Variants in TENM1 observed in about 807,000 individuals in gnomAD.
TENM1 encodes teneurin-1.
TENM1 carries 35 observed loss-of-function variants against 174.8 expected under a neutral mutation model. The observed-to-expected ratio is 0.20, with a 90% CI of 0.15 to 0.27. The LOEUF is 0.27. TENM1 is among the 10% of genes least tolerant of loss of function. The pLI, the probability that TENM1 is intolerant of heterozygous loss-of-function variation, is 1.00. For missense variants in TENM1, 1,633 were observed against 2,130.1 expected (o/e 0.77, Z 4.59); for synonymous variants, 781 against 798.7 (o/e 0.98, Z 0.37).
chrX:124,420,774 A>G (rs755045259), exon 25 of TENM1: 12 of 1,208,887 alleles, frequency 9.9e-6, no homozygotes, highest in Non-Finnish European at 1.2e-5. Flanking sequence ...GACACTGCTA[A>G]GGAGGAAGGG....
intron 3 of TENM1, among the ~76,000 whole-genome samples, chrX:124,846,935 G>A (rs2056620323): frequency 9.0e-6 from 1 of 111,518 alleles, no homozygotes; most frequent in African/African-American, 3.2e-5. Flanking sequence ...TAAAAGGAAC[G>A]ATATAACATT....
chrX:124,713,527 CAAAGTGCTGGGATTACA>C (rs1031419007), intron 4 of TENM1, among the ~76,000 whole-genome samples: 1 of 112,174 alleles, frequency 8.9e-6, no homozygotes, highest in African/African-American at 3.2e-5. Context: ...TTCGGCCTCC[CAAAGTGCTGGGATTACA>C]GGCGTGAGCC....
At chrX:124,914,819 G>A (rs755016943) in intron 1 of TENM1, among the ~76,000 whole-genome samples, 1 of 111,769 alleles carries the variant, frequency 8.9e-6, no homozygotes, top group Non-Finnish European at 1.9e-5. Flanking sequence ...AATGCTACCA[G>A]ACAGAATGCT....
chrX:125,035,507 G>C, the TENM1 span, among the ~76,000 whole-genome samples: 1 of 111,187 alleles, frequency 9.0e-6, no homozygotes, highest in Non-Finnish European at 1.9e-5. Flanking sequence ...TGAGTGAGTT[G>C]GCCAACTGCC....
chrX:124,909,266 A>G (rs1043614061), intron 1 of TENM1, among the ~76,000 whole-genome samples: 11 of 112,358 alleles, frequency 9.8e-5, no homozygotes, highest in Non-Finnish European at 1.9e-4. Flanking sequence ...GAACCATTTT[A>G]ACACCATCCT....
chrX:124,383,170 C>T (rs1486900759), intron 30 of TENM1, among the ~76,000 whole-genome samples: 1 of 110,093 alleles, frequency 9.1e-6, no homozygotes, highest in Non-Finnish European at 1.9e-5. Context: ...TGGTCTCAAA[C>T]TCCTGGCCTC....
chrX:125,174,159 A>G, the TENM1 span, among the ~76,000 whole-genome samples: 8 of 111,583 alleles, frequency 7.2e-5, no homozygotes, highest in Non-Finnish European at 1.1e-4. Context: ...TCACCGTTAG[A>G]AACACAATGA....
At chrX:125,168,993 G>T in the TENM1 span, among the ~76,000 whole-genome samples, 252 of 109,635 alleles carry the variant, frequency 2.3e-3, no homozygotes, top group African/African-American at 7.1e-3. Context: ...TGTGTGTGTG[G>T]GTGTGTGTGT....
chrX:125,096,779 T>A, the TENM1 span, among the ~76,000 whole-genome samples: 1 of 110,545 alleles, frequency 9.0e-6, no homozygotes, highest in African/African-American at 3.3e-5. Flanking sequence ...CTGTAATACT[T>A]GGTTATCCAG....
At chrX:124,679,150 T>A (rs1003832827) in intron 5 of TENM1, among the ~76,000 whole-genome samples, 3 of 112,492 alleles carry the variant, frequency 2.7e-5, no homozygotes, top group African/African-American at 6.4e-5. Context: ...GAAACCTATC[T>A]TACAAATAAA....
At chrX:124,834,442 G>A (rs911130742) in intron 3 of TENM1, among the ~76,000 whole-genome samples, 17 of 111,793 alleles carry the variant, frequency 1.5e-4, no homozygotes, top group Non-Finnish European at 3.0e-4. Flanking sequence ...CAAAGTGCTG[G>A]GATTACAGGC....
At chrX:124,474,804 A>G (rs2061370198) in intron 22 of TENM1, among the ~76,000 whole-genome samples, 1 of 111,876 alleles carries the variant, frequency 8.9e-6, no homozygotes, top group Admixed American at 9.5e-5. Context: ...GTTAACCTCT[A>G]ATTCTGGTTG....
chrX:124,741,744 G>T (rs750835810), intron 3 of TENM1, among the ~76,000 whole-genome samples: 1 of 111,845 alleles, frequency 8.9e-6, no homozygotes, highest in Non-Finnish European at 1.9e-5. Flanking sequence ...GATGGGACAG[G>T]CTCCTATCCA....
chrX:125,036,065 T>G, the TENM1 span, among the ~76,000 whole-genome samples: 9 of 111,735 alleles, frequency 8.1e-5, no homozygotes, highest in Admixed American at 8.6e-4. Context: ...ACGCTCTCAC[T>G]AACAAAAACT....
At chrX:124,636,393 C>A (rs765999615) in intron 11 of TENM1, among the ~76,000 whole-genome samples, 3 of 111,764 alleles carry the variant, frequency 2.7e-5, no homozygotes, top group African/African-American at 9.7e-5. Flanking sequence ...TATTAGGAAG[C>A]CTTTTGCCTG....
At chrX:124,891,379 G>T (rs1047801384) in intron 3 of TENM1, among the ~76,000 whole-genome samples, 1 of 111,452 alleles carries the variant, frequency 9.0e-6, no homozygotes, top group Non-Finnish European at 1.9e-5. Flanking sequence ...CACATTGTAT[G>T]CCTGTATCAA....
chrX:125,135,549 C>T, the TENM1 span, among the ~76,000 whole-genome samples: 1 of 111,857 alleles, frequency 8.9e-6, no homozygotes, highest in East Asian at 2.8e-4. Flanking sequence ...TTACATAAAG[C>T]ATGTGTTTCT....
intron 25 of TENM1, among the ~76,000 whole-genome samples, chrX:124,410,100 T>C (rs1482515577): frequency 9.0e-6 from 1 of 110,802 alleles, no homozygotes; most frequent in Non-Finnish European, 1.9e-5. Flanking sequence ...GGAGGCATCA[T>C]GCTACCTGAC....
chrX:124,596,712 G>A (rs755223881), intron 11 of TENM1, among the ~76,000 whole-genome samples: 1 of 111,515 alleles, frequency 9.0e-6, no homozygotes, highest in African/African-American at 3.3e-5. Flanking sequence ...TATGAGATGG[G>A]GCTGGACAAG....
Sources: allele counts gnomAD v4.1 joint callset (sites outside exome capture counted in the v4.1 genomes callset), GRCh38; gene constraint gnomAD v4.1.1; transcripts MANE v1.5; gene names NCBI Gene and HGNC (gene_info 2026-07-23, HGNC 2026-07-21).